FGF10: variants seen among roughly 807,000 people sequenced by gnomAD.
FGF10 encodes FGF-10.
Under a neutral mutation model 19.8 loss-of-function variants are expected in FGF10, and 2 were observed. The ratio of observed to expected loss-of-function variants is 0.10; its 90% CI spans 0.04 to 0.32. The LOEUF is 0.32. Among genes scored for constraint, FGF10 ranks in the 10% least tolerant of loss-of-function variants. FGF10 has a pLI of 1.00. For synonymous variants in FGF10, 112 were observed against 94.0 expected, an observed-to-expected ratio of 1.19 and a Z score of -1.10; for missense variants, 191 against 246.3, an observed-to-expected ratio of 0.78 and a Z score of 1.50.
intron 1 of FGF10, among the ~76,000 whole-genome samples, chr5:44,339,108 T>C (rs919975887): frequency 1.2e-4 from 19 of 152,332 alleles, no homozygotes; most frequent in Admixed American, 1.2e-3. Context: ...TTAAAGAGGG[T>C]ATTTTATGAA....
chr5:44,310,380 G>T, intron 2 of FGF10, 47 bp downstream of exon 2: 3 of 1,323,098 alleles, frequency 2.3e-6, no homozygotes, highest in South Asian at 1.2e-5. Flanking sequence ...CAAAACTATG[G>T]TAATGGTTTA....
At chr5:44,361,821 C>G (rs1006332938) in intron 1 of FGF10, among the ~76,000 whole-genome samples, 2 of 151,636 alleles carry the variant, frequency 1.3e-5, no homozygotes, top group Non-Finnish European at 3.0e-5. Context: ...TTTGTAGTCT[C>G]TACTTCCTAA....
intron 1 of FGF10, among the ~76,000 whole-genome samples, chr5:44,363,949 A>C (rs1741547662): frequency 6.6e-6 from 1 of 151,848 alleles, no homozygotes. Context: ...GTAATAAACA[A>C]GACTTCCTTA....
intron 1 of FGF10, among the ~76,000 whole-genome samples, chr5:44,382,681 T>G (rs148280835): frequency 0.013 from 2,028 of 152,254 alleles, 23 homozygotes; most frequent in Non-Finnish European, 0.019. Flanking sequence ...CAATATACCA[T>G]GAAAGATTTA....
At position 44,301,128 on chromosome 5, in the gene FGF10, T is replaced by C. The variant is rs1288924348; in HGVS notation, c.*3867A>G. Among the ~76,000 whole-genome samples the C allele has an allele frequency of 6.6e-6, 1 of 152,130 alleles. No individual in the cohort carries two copies. The highest frequency in any genetic ancestry group is 2.4e-5 in the African/African-American group (1 of 41,440). On this transcript the variant is annotated 3_prime_UTR_variant, in exon 3 of 3. Transcript: ENST00000264664. Reference sequence around the variant, plus strand: ...AAAGATATTCCTCTTCCTTTTTATTTTTTTTTCAGTTTAAGTTGGAAAAGT... The same window carrying C: ...AAAGATATTCCTCTTCCTTTTTATTCTTTTTTCAGTTTAAGTTGGAAAAGT...
intron 2 of FGF10, among the ~76,000 whole-genome samples, chr5:44,306,216 T>A (rs1316499132): frequency 2.6e-5 from 4 of 152,004 alleles, no homozygotes; most frequent in African/African-American, 9.7e-5. Context: ...GCCAACATGG[T>A]GAAACCCCGT....
intron 1 of FGF10, among the ~76,000 whole-genome samples, chr5:44,376,501 A>C (rs1206305990): frequency 1.8e-5 from 2 of 112,462 alleles, no homozygotes; most frequent in African/African-American, 3.4e-5. Flanking sequence ...AAAAAAAAAA[A>C]AAAAAAAAAA....
chr5:44,355,523 T>G (rs1254854275), intron 1 of FGF10, among the ~76,000 whole-genome samples: 1 of 151,290 alleles, frequency 6.6e-6, no homozygotes, highest in African/African-American at 2.4e-5. Flanking sequence ...ATTTACAATC[T>G]ATTTTAAATG....
At chr5:44,331,892 G>T (rs1174953434) in intron 1 of FGF10, among the ~76,000 whole-genome samples, 2 of 152,012 alleles carry the variant, frequency 1.3e-5, no homozygotes, top group African/African-American at 2.4e-5. Flanking sequence ...GTGATTGGTT[G>T]ATATTTAATG....
chr5:44,334,090 A>T (rs896032595), intron 1 of FGF10, among the ~76,000 whole-genome samples: 2 of 152,058 alleles, frequency 1.3e-5, no homozygotes, highest in Non-Finnish European at 2.9e-5. Flanking sequence ...TCATTTCCTT[A>T]TAATAATGGT....
At chr5:44,340,962 A>C (rs1434307316) in intron 1 of FGF10, among the ~76,000 whole-genome samples, 1 of 152,120 alleles carries the variant, frequency 6.6e-6, no homozygotes, top group East Asian at 1.9e-4. Context: ...TTAACATGAG[A>C]ACCACCCCCA....
chr5:44,345,589 A>G (rs1302710178), intron 1 of FGF10, among the ~76,000 whole-genome samples: 1 of 150,700 alleles, frequency 6.6e-6, no homozygotes, highest in Admixed American at 6.7e-5. Context: ...TCAGAAATAG[A>G]AAGTTTTTCC....
At chr5:44,337,845 G>T (rs577313157) in intron 1 of FGF10, among the ~76,000 whole-genome samples, 1 of 152,132 alleles carries the variant, frequency 6.6e-6, no homozygotes, top group African/African-American at 2.4e-5. Flanking sequence ...GGAGGCTGAC[G>T]CAGGAGAATC....
In FGF10 at chr5:44,388,777, G is replaced by T; in HGVS notation, c.-95C>A. 7.7e-7 allele frequency: 1 copy of T among 1,294,510 alleles called. No homozygotes were observed. Among genetic ancestry groups the T allele is most frequent in the Non-Finnish European group, 1.1e-6 (1 of 905,518 alleles). The allele number at this position is 1,294,510 out of a possible 1,614,324, so 80.2% of individuals were successfully genotyped here. Reference sequence around the variant, plus strand: ...CAAGGCAAGGAGAGAGCTCGAGGTGGTGGCTGCTGGTTAGCTCCCTCTGGG... The same window carrying T: ...CAAGGCAAGGAGAGAGCTCGAGGTGTTGGCTGCTGGTTAGCTCCCTCTGGG... On this transcript the variant is annotated 5_prime_UTR_variant, in exon 1 of 3. Coordinates refer to ENST00000264664, the MANE Select transcript of FGF10 (RefSeq NM_004465.2).
chr5:44,314,423 G>A (rs1740287370), intron 1 of FGF10, among the ~76,000 whole-genome samples: 1 of 152,032 alleles, frequency 6.6e-6, no homozygotes, highest in Admixed American at 6.6e-5. Flanking sequence ...GCTTATTTTA[G>A]ATTATATTTA....
chr5:44,370,463 T>G (rs1009278627), intron 1 of FGF10, among the ~76,000 whole-genome samples: 2 of 152,128 alleles, frequency 1.3e-5, no homozygotes, highest in Non-Finnish European at 2.9e-5. Flanking sequence ...GGGTCACATT[T>G]CTTATCTCGT....
intron 1 of FGF10, among the ~76,000 whole-genome samples, chr5:44,379,603 G>A (rs1741943446): frequency 6.6e-6 from 1 of 152,140 alleles, no homozygotes; most frequent in Non-Finnish European, 1.5e-5. Context: ...CTGGGACTTA[G>A]CTTTCCTTAC....
chr5:44,377,013 G>C (rs1246389063), intron 1 of FGF10, among the ~76,000 whole-genome samples: 2 of 152,162 alleles, frequency 1.3e-5, no homozygotes, highest in Non-Finnish European at 2.9e-5. Flanking sequence ...ACCTTCTACT[G>C]TACTTTGCTT....
rs1446280593 is a variant in FGF10, at chr5:44,301,429, G to T, written c.*3566C>A. Among the ~76,000 whole-genome samples the T allele has an allele frequency of 3.9e-5, 6 of 152,054 alleles. No individual in the cohort carries two copies. The highest frequency in any genetic ancestry group is 7.4e-5 in the Non-Finnish European group (5 of 67,992). ...CTATGTAAATTGGGTTCATAAACTT[G>T]CTTGGGCCCTGGAAGCAACTTGCAT... On this transcript the variant is annotated 3_prime_UTR_variant, in exon 3 of 3. Transcript: ENST00000264664.
Sources: allele counts gnomAD v4.1 joint callset (sites outside exome capture counted in the v4.1 genomes callset), GRCh38; gene constraint gnomAD v4.1.1; transcripts MANE v1.5; gene names NCBI Gene and HGNC (gene_info 2026-07-23, HGNC 2026-07-21).